The following CHL1 variants were observed in gnomAD, a reference collection of about 807,000 sequenced individuals.
CHL1 encodes the protein cell adhesion molecule L1 like.
A neutral mutation model predicts 141.9 loss-of-function variants in CHL1; 96 were observed. The ratio of observed to expected loss-of-function variants is 0.68; its 90% CI spans 0.57 to 0.80. The LOEUF is 0.80. Among genes scored for constraint, CHL1 ranks in the 30% least tolerant of loss-of-function variants. The probability of loss-of-function intolerance (pLI) is 0.00; values close to 1 mark genes in which losing one functional copy is unlikely to be tolerated. For missense variants in CHL1, 1,820 were observed against 1,457.2 expected (o/e 1.25, Z -4.05); for synonymous variants, 613 against 502.2 (o/e 1.22, Z -2.95).
intron 11 of CHL1, 111 bp from the exon 12 acceptor site, chr3:360,173 C>A: frequency 1.7e-6 from 2 of 1,157,208 alleles, no homozygotes; most frequent in Non-Finnish European, 2.4e-6. Context: ...AACTATTAGT[C>A]ACCCTAAACT....
rs1285432195 is a variant in CHL1, at chr3:405,525, C to A, written c.3489C>A (p.Ser1163Arg). 1.9e-6 allele frequency: 3 copies of A among 1,612,912 alleles called. No homozygotes were observed. The highest frequency in any genetic ancestry group is 2.2e-5 in the East Asian group (1 of 44,874). Residue 1163 changes from serine to arginine, a missense_variant, in exon 28 of 28, where the codon AGC becomes AGA. Physicochemically the swap from Ser to Arg is moderately radical, Grantham distance 110. Transcript: ENST00000256509. ...SDSDEKPLKG[S>R]LRSLNRDMQP... ...GTGATGAAAAGCCTCTCAAAGGAAG[C>A]CTTCGGTCCCTTAATAGGGATATGC...
At chr3:263,611 T>A (rs937581831) in intron 2 of CHL1, among the ~76,000 whole-genome samples, 1 of 152,260 alleles carries the variant, frequency 6.6e-6, no homozygotes, top group Non-Finnish European at 1.5e-5. Flanking sequence ...TATCTCTGTA[T>A]CTGCGTCTGC....
rs535669065 is a variant in CHL1, at chr3:237,858, T to A, written c.-174-6755T>A. On this transcript the variant is annotated intron_variant, in intron 1 of 27. Coordinates refer to ENST00000256509, the MANE Select transcript of CHL1 (RefSeq NM_006614.4). ...CAATATCTGTGATTTAGTAAAGAAA[T>A]GGTAAAACTCGTGATCAGAAATAGG... Among the ~76,000 whole-genome samples the A allele has an allele frequency of 5.3e-5, 8 of 152,262 alleles. No homozygotes were observed. The East Asian group carries it at 1.5e-3, about 29-fold the overall frequency.
chr3:289,516 A>G (rs922561064), intron 2 of CHL1, among the ~76,000 whole-genome samples: 1 of 152,164 alleles, frequency 6.6e-6, no homozygotes, highest in African/African-American at 2.4e-5. Flanking sequence ...TATCTTCTAT[A>G]AAGTCTCTGC....
At chr3:224,867 G>T (rs1341559599) in intron 1 of CHL1, among the ~76,000 whole-genome samples, 1 of 152,194 alleles carries the variant, frequency 6.6e-6, no homozygotes. Flanking sequence ...CGGGTGCAGT[G>T]GCTCACGCCT....
intron 13 of CHL1, 49 bp from the exon 14 acceptor site, chr3:363,168 A>G: frequency 2.0e-6 from 3 of 1,534,390 alleles, no homozygotes; most frequent in East Asian, 2.3e-5. Context: ...TAAAAAGCGT[A>G]TACAATTTTG....
Position 360,064 on chromosome 3 carries a change from T to G in CHL1, c.1166-220T>G, listed in dbSNP as rs80060300. Among the ~76,000 whole-genome samples the G allele has an allele frequency of 2.8e-4, 42 of 152,284 alleles. No individual in the cohort carries two copies. The East Asian group carries it at 7.9e-3, about 29-fold the overall frequency. On this transcript the variant is annotated intron_variant, in intron 11 of 27. Transcript: ENST00000256509. ...AGGTCCAGATGAGCAGATATTTTGTTGCTAAATATTAACTTGAAAGATAAT... is the reference window on the plus strand; with the variant it reads ...AGGTCCAGATGAGCAGATATTTTGTGGCTAAATATTAACTTGAAAGATAAT...
intron 23 of CHL1, among the ~76,000 whole-genome samples, chr3:392,527 C>A (rs968267332): frequency 5.3e-5 from 8 of 152,208 alleles, no homozygotes; most frequent in Admixed American, 2.6e-4. Context: ...CTGAAACAGT[C>A]GTCAAGTTTA....
At chr3:203,373 G>A (rs1699125387) in intron 1 of CHL1, among the ~76,000 whole-genome samples, 1 of 152,256 alleles carries the variant, frequency 6.6e-6, no homozygotes, top group African/African-American at 2.4e-5. Flanking sequence ...TGCCCAGGTG[G>A]CAGAATGCCA....
intron 2 of CHL1, among the ~76,000 whole-genome samples, chr3:261,654 T>C (rs1190186102): frequency 1.3e-5 from 2 of 152,138 alleles, no homozygotes; most frequent in Non-Finnish European, 2.9e-5. Flanking sequence ...TGATTATTAA[T>C]GTAACTGTCA....
chr3:343,344 CT>C (rs1407375316), intron 8 of CHL1, among the ~76,000 whole-genome samples: 1 of 152,070 alleles, frequency 6.6e-6, no homozygotes, highest in Admixed American at 6.6e-5. Context: ...AAGGTTGATA[CT>C]TTTGCAGAAA....
intron 25 of CHL1, 42 bp downstream of exon 25, chr3:398,427 AT>A (rs1172832976): frequency 7.4e-7 from 1 of 1,356,748 alleles, no homozygotes; most frequent in Non-Finnish European, 1.0e-6. Flanking sequence ...TAGTCAATCT[AT>A]GTCCTGTAGA....
At chr3:213,678 A>G (rs565602136) in intron 1 of CHL1, 2 of 152,348 alleles carry the variant, frequency 1.3e-5, no homozygotes, top group Admixed American at 6.5e-5. Flanking sequence ...TAGAATAGAG[A>G]AAGATTATTT....
At chr3:377,764 T>C in intron 15 of CHL1, 54 bp from the exon 16 acceptor site, 1 of 1,463,570 alleles carries the variant, frequency 6.8e-7, no homozygotes, top group African/African-American at 1.4e-5. Context: ...GAATTGGGTT[T>C]CTATCATTTC....
chr3:352,803 G>A (rs1409694645), intron 10 of CHL1, among the ~76,000 whole-genome samples: 1 of 152,210 alleles, frequency 6.6e-6, no homozygotes, highest in East Asian at 1.9e-4. Flanking sequence ...CCTAGTGAAT[G>A]CTCAGAACTT....
intron 3 of CHL1, 128 bp downstream of exon 3, chr3:319,995 C>A (rs1229088254): frequency 8.6e-6 from 5 of 583,290 alleles, no homozygotes; most frequent in Non-Finnish European, 1.5e-5. Flanking sequence ...AGCAATCTGT[C>A]ATGAGAATTC....
chr3:344,463 T>G (rs1238236886), intron 8 of CHL1, 126 bp from the exon 9 acceptor site: 1 of 349,040 alleles, frequency 2.9e-6, no homozygotes, highest in Non-Finnish European at 4.8e-6. Context: ...GAAATGTGTA[T>G]AGAACACACA....
At chr3:234,193 G>GTATATA (rs35671583) in intron 1 of CHL1, among the ~76,000 whole-genome samples, 1 of 144,212 alleles carries the variant, frequency 6.9e-6, no homozygotes. Flanking sequence ...GTGTGTGTGT[G>GTATATA]TATATATATA....
chr3:229,497 G>A (rs1701674251), intron 1 of CHL1, among the ~76,000 whole-genome samples: 1 of 152,162 alleles, frequency 6.6e-6, no homozygotes, highest in Non-Finnish European at 1.5e-5. Flanking sequence ...CAAACCAAAA[G>A]AATGCGAATG....
Sources: gnomAD v4.1 joint callset for allele counts (sites outside exome capture counted in the v4.1 genomes callset) on GRCh38, gnomAD v4.1.1 for gene constraint, MANE v1.5 for transcripts, NCBI Gene and HGNC (gene_info 2026-07-23, HGNC 2026-07-21) for gene names.